The following DEAF1 variants were observed in gnomAD, a reference collection of about 807,000 sequenced individuals.
DEAF1 encodes deformed epidermal autoregulatory factor 1 homolog.
A neutral mutation model predicts 58.9 loss-of-function variants in DEAF1; 53 were observed. The observed-to-expected ratio is 0.90, with a 90% CI of 0.72 to 1.13. The LOEUF (loss-of-function observed/expected upper bound fraction) is 1.13. Among genes scored for constraint, DEAF1 ranks in the 50% most tolerant of loss-of-function variants. DEAF1 has a pLI of 0.00. For synonymous variants in DEAF1, 385 were observed against 340.4 expected (o/e 1.13, Z -1.44); for missense variants, 685 against 791.4 (o/e 0.87, Z 1.61).
At chr11:698,253 A>T (rs7928943), upstream of DEAF1, among the ~76,000 whole-genome samples, 32,281 of 151,794 alleles carry the variant, frequency 0.21, 3,925 homozygotes, top group African/African-American at 0.34. Flanking sequence ...CTCAGAATCA[A>T]AAAGGAGGAA....
At chr11:685,066 C>T (rs1273771949) in intron 5 of DEAF1, 103 bp from the exon 6 acceptor site, 9 of 623,490 alleles carry the variant, frequency 1.4e-5, no homozygotes, top group Non-Finnish European at 2.5e-5. Context: ...ACCTACCATT[C>T]ATAAATATAA....
intron 5 of DEAF1, 58 bp from the exon 6 acceptor site, chr11:685,021 T>C: frequency 1.5e-6 from 2 of 1,344,880 alleles, no homozygotes; most frequent in Non-Finnish European, 2.1e-6. Flanking sequence ...TGTCAATCAT[T>C]CAATAATAGA....
chr11:674,763 G>A lies in DEAF1; in HGVS notation c.1276C>T (p.Leu426=). The A allele has an allele frequency of 6.2e-7, 1 of 1,612,680 alleles. No homozygotes were observed. The highest frequency in any genetic ancestry group is 8.5e-7 in the Non-Finnish European group (1 of 1,180,032). ...GTGGGAGTCGGGGGTGGGACCGCCA[G>A]CGCAGGCAGGGATGTCAACACTAGA... The part of the protein sequence containing the change: ...PKIVLTSLPA[L]AVPPPTPTKA... The change falls in exon 10 of 12, where the codon CTG becomes TTG. Residue 426 remains leucine (L), a synonymous_variant. Transcript: ENST00000382409.
chr11:679,869 A>C, intron 7 of DEAF1, 53 bp from the exon 8 acceptor site: 1 of 1,606,988 alleles, frequency 6.2e-7, no homozygotes, highest in Non-Finnish European at 8.5e-7. Context: ...CCCACGGCAC[A>C]CAGGTCCCGT....
At chr11:665,654 A>T (rs1299454065) in intron 10 of DEAF1, among the ~76,000 whole-genome samples, 1 of 152,190 alleles carries the variant, frequency 6.6e-6, no homozygotes, top group African/African-American at 2.4e-5. Flanking sequence ...CAGGGCAGGG[A>T]CCCAGCTGAC....
chr11:679,532 G>C (rs938035058), intron 8 of DEAF1, among the ~76,000 whole-genome samples, 156 bp downstream of exon 8: 1 of 152,188 alleles, frequency 6.6e-6, no homozygotes, highest in Non-Finnish European at 1.5e-5. Context: ...CCGCCCACCT[G>C]ACGTGGCTCA....
intron 11 of DEAF1, chr11:646,386 T>C (rs1858500531): frequency 6.6e-6 from 1 of 152,116 alleles, no homozygotes; most frequent in African/African-American, 2.4e-5. Context: ...GCCTCCACTC[T>C]GGGGCAACCA....
chr11:653,585 GAAT>G (rs946601458), intron 11 of DEAF1, among the ~76,000 whole-genome samples: 1 of 130,466 alleles, frequency 7.7e-6, no homozygotes, highest in African/African-American at 2.9e-5. Flanking sequence ...GTGGAGGGCT[GAAT>G]AATAGAGGAA....
intron 2 of DEAF1, chr11:689,773 A>G (rs1380146180): frequency 6.6e-6 from 1 of 152,218 alleles, no homozygotes. Flanking sequence ...CTTTGTTGTC[A>G]GTTTCCAAAC....
chr11:683,527 G>A (rs1375030450), intron 6 of DEAF1, among the ~76,000 whole-genome samples: 1 of 151,368 alleles, frequency 6.6e-6, no homozygotes, highest in Non-Finnish European at 1.5e-5. Flanking sequence ...TTAAGACCCC[G>A]CAATGTGATT....
intron 1 of DEAF1, chr11:700,708 G>T: frequency 6.2e-7 from 1 of 1,613,354 alleles, no homozygotes; most frequent in Non-Finnish European, 8.5e-7. Flanking sequence ...TTATACCTGG[G>T]TGAGTGGACT....
intron 1 of DEAF1, chr11:700,887 G>A: frequency 1.5e-6 from 1 of 649,156 alleles, no homozygotes; most frequent in South Asian, 1.8e-5. Flanking sequence ...AAGAAGTTTT[G>A]TCCCAGAGAC....
rs558838148 is a variant in DEAF1 at position 654,112 on chromosome 11, G to A, written c.1504-61C>T. ...GGCCGTGGAGAGCCCCTGAGACACC[G>A]GGGACAGAGGCAGGTGCAGGCAGGA... On this transcript the variant is annotated intron_variant, in intron 10 of 11. Transcript: ENST00000382409. The A allele has an allele frequency of 1.3e-3, 1,826 of 1,418,376 alleles. 4 individuals are homozygous for A. The highest frequency in any genetic ancestry group is 5.3e-3 in the African/African-American group (370 of 70,248). 87.9% of individuals were successfully genotyped at this position (1,418,376 alleles called of 1,614,324 possible).
chr11:680,530 A>G (rs1366799054), intron 7 of DEAF1, among the ~76,000 whole-genome samples: 2 of 151,786 alleles, frequency 1.3e-5, no homozygotes, highest in African/African-American at 2.4e-5. Context: ...GCAGTGCCTG[A>G]GCCTGGGAGG....
chr11:685,472 A>C (rs1467685636), intron 5 of DEAF1, among the ~76,000 whole-genome samples: 2 of 151,698 alleles, frequency 1.3e-5, no homozygotes, highest in African/African-American at 4.8e-5. Flanking sequence ...ACGCAGGCAG[A>C]CCACCTGAGC....
chr11:670,035 A>C (rs183482677), intron 10 of DEAF1, among the ~76,000 whole-genome samples: 2 of 151,344 alleles, frequency 1.3e-5, no homozygotes, highest in Non-Finnish European at 2.9e-5. Context: ...ATGCCACTGC[A>C]CTCCAGCCTG....
chr11:662,884 G>A (rs1859375895), intron 10 of DEAF1, among the ~76,000 whole-genome samples: 1 of 152,152 alleles, frequency 6.6e-6, no homozygotes, highest in South Asian at 2.1e-4. Flanking sequence ...ACGGCAGCAG[G>A]GGGCAGCAGC....
intron 6 of DEAF1, among the ~76,000 whole-genome samples, chr11:681,392 C>A (rs369768234): frequency 6.7e-6 from 1 of 149,598 alleles, no homozygotes; most frequent in Non-Finnish European, 1.5e-5. Flanking sequence ...TCACCACACC[C>A]GGCTAATTTT....
chr11:674,413 T>C (rs533306037), intron 10 of DEAF1, 123 bp downstream of exon 10: 1 of 1,352,326 alleles, frequency 7.4e-7, no homozygotes, highest in South Asian at 1.2e-5. Flanking sequence ...CAGCTCCCTT[T>C]TCCAGAAAGG....
Sources: allele counts gnomAD v4.1 joint callset (sites outside exome capture counted in the v4.1 genomes callset), GRCh38; gene constraint gnomAD v4.1.1; transcripts MANE v1.5; gene names NCBI Gene and HGNC (gene_info 2026-07-23, HGNC 2026-07-21).